The following RTTN variants were observed in gnomAD, a reference collection of about 807,000 sequenced individuals.
The protein encoded by RTTN is rotatin.
RTTN carries 182 observed loss-of-function variants against 269.2 expected under a neutral mutation model. That is an observed-to-expected ratio of 0.68 (90% confidence interval 0.60 to 0.76). RTTN has a LOEUF of 0.76. Among genes scored for constraint, RTTN ranks in the 30% least tolerant of loss-of-function variants. The pLI is 0.00. For synonymous variants in RTTN, 1,006 were observed against 963.5 expected, an observed-to-expected ratio of 1.04 and a Z score of -0.82; for missense variants, 2,545 against 2,608.6, an observed-to-expected ratio of 0.98 and a Z score of 0.53.
chr18:70,059,552 C>T (rs2057916204), intron 36 of RTTN, among the ~76,000 whole-genome samples: 1 of 152,044 alleles, frequency 6.6e-6, no homozygotes, highest in Non-Finnish European at 1.5e-5. Context: ...GGGGATAGCA[C>T]CATATTCCTT....
At chr18:70,080,274 C>T (rs1253759091) in intron 32 of RTTN, among the ~76,000 whole-genome samples, 1 of 152,084 alleles carries the variant, frequency 6.6e-6, no homozygotes, top group Non-Finnish European at 1.5e-5. Context: ...ATGAATACAT[C>T]TAGAACGCAG....
intron 7 of RTTN, 64 bp downstream of exon 7, chr18:70,196,437 T>C (rs2061808302): frequency 2.1e-6 from 3 of 1,437,440 alleles, no homozygotes; most frequent in East Asian, 2.3e-5. Flanking sequence ...GTAACTATAA[T>C]GGAAGGTTCC....
chr18:70,190,745 T>C, intron 8 of RTTN, 26 bp from the exon 9 acceptor site: 1 of 1,544,050 alleles, frequency 6.5e-7, no homozygotes, highest in Non-Finnish European at 8.9e-7. Flanking sequence ...ATGATAAACC[T>C]TGCATACAGA....
rs2059903153 is a variant in RTTN, at chr18:70,127,735, T to C, written c.3150A>G (p.Leu1050=). 2.5e-6 allele frequency: 4 copies of C among 1,608,472 alleles called. No homozygotes were observed. Among genetic ancestry groups the C allele is most frequent in the Non-Finnish European group, 3.4e-6 (4 of 1,176,298 alleles). Reference sequence around the variant, plus strand: ...CCTCTGTAGATAACTTCAATGCATCTAAAATTCTAGACAAAAAGAAAAAAA... The same window carrying C: ...CCTCTGTAGATAACTTCAATGCATCCAAAATTCTAGACAAAAAGAAAAAAA... ...MNSETKTQEI[L]DALKLSTEDI... is the part of the protein sequence containing the mutation. The change falls in exon 25 of 49, where the codon TTA becomes TTG. Residue 1050 remains leucine, a synonymous_variant. Coordinates refer to ENST00000640769, the MANE Select transcript of RTTN (RefSeq NM_173630.4).
At position 70,203,661 on chromosome 18, in the gene RTTN, A is replaced by C. The variant is rs190176459; in HGVS notation, c.397+425T>G. Among the ~76,000 whole-genome samples the C allele has an allele frequency of 4.0e-3, 603 of 152,340 alleles. 5 individuals carry two copies. Among genetic ancestry groups the C allele is most frequent in the African/African-American group, 0.014 (567 of 41,578 alleles). ...TCATGATGGACTGCAGCATATAAAA[A>C]TACTTGCATTATGTCGTTTTGATTG... On this transcript the variant is annotated intron_variant, in intron 3 of 48. Transcript: ENST00000640769.
At position 70,176,788 on chromosome 18, in the gene RTTN, T is replaced by C. The variant is rs182104010; in HGVS notation, c.1363A>G (p.Ser455Gly). The change falls in exon 11 of 49, where the codon AGT (serine) becomes GGT (glycine). Residue 455 changes from serine to glycine, a missense_variant. Coordinates refer to ENST00000640769, the MANE Select transcript of RTTN (RefSeq NM_173630.4). ...TCTGGCTGCTCCAAACTGATACTAC[T>C]TTTATGGTAGCACATGGTTTCTCCA... Reference protein sequence around the residue: ...ALGETMCYHKSSISLEQPEVM... With the variant: ...ALGETMCYHKGSISLEQPEVM... 1 of 1,614,114 alleles carries C rather than the reference T, an allele frequency of 6.2e-7. No homozygotes were observed. Among genetic ancestry groups the C allele is most frequent in the African/African-American group, 1.3e-5 (1 of 75,050 alleles).
At chr18:70,094,800 C>T (rs1477207460) in intron 28 of RTTN, among the ~76,000 whole-genome samples, 1 of 150,882 alleles carries the variant, frequency 6.6e-6, no homozygotes, top group Non-Finnish European at 1.5e-5. Context: ...TCTATTAGGT[C>T]CGCTTGGTCC....
intron 39 of RTTN, among the ~76,000 whole-genome samples, chr18:70,048,854 T>C (rs1196495536): frequency 6.6e-6 from 1 of 152,012 alleles, no homozygotes; most frequent in Admixed American, 6.6e-5. Flanking sequence ...GAGATGGCAA[T>C]TGATTTAAAA....
intron 32 of RTTN, among the ~76,000 whole-genome samples, chr18:70,079,234 T>A (rs1232721760): frequency 6.6e-6 from 1 of 151,980 alleles, no homozygotes; most frequent in South Asian, 2.1e-4. Flanking sequence ...GAAAAAAAAA[T>A]TTCTTCTAAA....
chr18:70,154,789 C>T (rs568658033), intron 14 of RTTN, among the ~76,000 whole-genome samples: 1 of 152,240 alleles, frequency 6.6e-6, no homozygotes, highest in African/African-American at 2.4e-5. Flanking sequence ...TGATTGATCG[C>T]AAGGTTCACA....
chr18:70,189,497 A>G (rs1285252962), intron 9 of RTTN, among the ~76,000 whole-genome samples: 1 of 152,208 alleles, frequency 6.6e-6, no homozygotes, highest in Non-Finnish European at 1.5e-5. Flanking sequence ...TCAAACGTTG[A>G]AAATGTATAG....
rs78471025 is a variant in RTTN, at chr18:70,161,129, G to A, written c.1929+4933C>T. On this transcript the variant is annotated intron_variant, in intron 14 of 48. Transcript: ENST00000640769. ...GGGGCTACAGTAACCAAAACAGCAT[G>A]GTACTGGTACAAAAACAGATACACA... Among the ~76,000 whole-genome samples, 1,249 of 152,218 alleles carry A rather than the reference G, an allele frequency of 8.2e-3. 22 individuals are homozygous for A. The highest frequency in any genetic ancestry group is 0.028 in the African/African-American group (1,154 of 41,526).
intron 45 of RTTN, 145 bp downstream of exon 45, chr18:70,020,470 G>A (rs1297969725): frequency 5.2e-6 from 4 of 765,784 alleles, no homozygotes; most frequent in African/African-American, 5.2e-5. Flanking sequence ...TTTAAACAAA[G>A]TGAACCTCTT....
At chr18:70,159,361 G>A (rs900762407) in intron 14 of RTTN, among the ~76,000 whole-genome samples, 5 of 152,080 alleles carry the variant, frequency 3.3e-5, no homozygotes, top group African/African-American at 1.2e-4. Context: ...ATGAAATTAA[G>A]GCAGAAATCA....
At chr18:70,136,793 AC>A (rs539812726) in intron 21 of RTTN, among the ~76,000 whole-genome samples, 150 of 141,216 alleles carry the variant, frequency 1.1e-3, no homozygotes, top group Middle Eastern at 7.1e-3. Context: ...GAATTCCAAC[AC>A]TGAATGCACA....
chr18:70,127,385 T>C, intron 25 of RTTN, 117 bp downstream of exon 25: 3 of 1,228,268 alleles, frequency 2.4e-6, no homozygotes, highest in Non-Finnish European at 2.2e-6. Context: ...TCCTGGAGTT[T>C]TTCTTTCTAT....
chr18:70,140,327 T>C (rs1210061405), intron 19 of RTTN, 139 bp from the exon 20 acceptor site: 1 of 568,340 alleles, frequency 1.8e-6, no homozygotes, highest in African/African-American at 2.0e-5. Flanking sequence ...CATAAGAGTA[T>C]GAAACTTTTA....
At chr18:70,056,271 A>G (rs900323372) in intron 37 of RTTN, among the ~76,000 whole-genome samples, 11 of 152,164 alleles carry the variant, frequency 7.2e-5, no homozygotes, top group African/African-American at 1.9e-4. Flanking sequence ...TTTAATCTAC[A>G]TAAGGCCAGC....
intron 10 of RTTN, among the ~76,000 whole-genome samples, chr18:70,180,989 T>C (rs1008908207): frequency 3.3e-5 from 5 of 152,208 alleles, no homozygotes; most frequent in African/African-American, 4.8e-5. Flanking sequence ...GTCTTTGGAA[T>C]GGTGGCAGCA....
Sources: allele counts gnomAD v4.1 joint callset (sites outside exome capture counted in the v4.1 genomes callset), GRCh38; gene constraint gnomAD v4.1.1; transcripts MANE v1.5; gene names NCBI Gene and HGNC (gene_info 2026-07-23, HGNC 2026-07-21).